Variants in RNF168 observed in about 807,000 individuals in gnomAD.
The protein encoded by RNF168 is ring finger protein 168.
Under a neutral mutation model 34.9 loss-of-function variants are expected in RNF168, and 34 were observed. That is an observed-to-expected ratio of 0.97 (90% CI 0.74 to 1.30). RNF168 has a LOEUF of 1.30. RNF168 is among the 50% of genes most tolerant of loss of function. RNF168 has a pLI of 0.00. For missense variants in RNF168, 725 were observed against 682.5 expected, an observed-to-expected ratio of 1.06 and a Z score of -0.69; for synonymous variants, 264 against 254.7, an observed-to-expected ratio of 1.04 and a Z score of -0.35.
intron 4 of RNF168, among the ~76,000 whole-genome samples, chr3:196,478,638 TAC>T (rs1732209280): frequency 6.6e-6 from 1 of 152,076 alleles, no homozygotes; most frequent in Non-Finnish European, 1.5e-5. Context: ...TTCTATGAAA[TAC>T]ACACTCTTTT....
At chr3:196,473,530 T>C (rs1406942796) in intron 5 of RNF168, among the ~76,000 whole-genome samples, 1 of 152,178 alleles carries the variant, frequency 6.6e-6, no homozygotes, top group East Asian at 1.9e-4. Flanking sequence ...CTAATACCAA[T>C]GTAGAGATAA....
At position 196,472,429 on chromosome 3, in the gene RNF168, G is replaced by A; in HGVS notation, c.1106C>T (p.Thr369Ile). The change falls in exon 6 of 6, where the codon ACA (threonine) becomes ATA (isoleucine). Residue 369 changes from threonine (T) to isoleucine (I), a missense_variant. By Grantham distance (89) the Thr-to-Ile change is moderately conservative. Transcript: ENST00000318037. ...SGVTQTNGNN[T>I]GETENEESCL... ...CGACTCTTCATTTTCTGTCTCACCT[G>A]TGTTGTTTCCATTTGTCTGTGTCAC... 1 of 1,613,712 alleles carries A rather than the reference G, an allele frequency of 6.2e-7. No individual in the cohort carries two copies. Among genetic ancestry groups the A allele is most frequent in the Non-Finnish European group, 8.5e-7 (1 of 1,179,854 alleles).
chr3:196,499,490 T>C (rs1231914709), intron 1 of RNF168, among the ~76,000 whole-genome samples: 1 of 151,928 alleles, frequency 6.6e-6, no homozygotes, highest in Non-Finnish European at 1.5e-5. Context: ...TCCATTTATA[T>C]GAAGTTCCAG....
At chr3:196,479,961 G>C (rs576778915) in intron 4 of RNF168, among the ~76,000 whole-genome samples, 2 of 152,104 alleles carry the variant, frequency 1.3e-5, no homozygotes, top group Admixed American at 6.6e-5. Context: ...AAGTTTATGA[G>C]AGAACAGTCA....
chr3:196,482,551 C>G (rs1310454288), intron 4 of RNF168, among the ~76,000 whole-genome samples: 1 of 152,228 alleles, frequency 6.6e-6, no homozygotes, highest in Non-Finnish European at 1.5e-5. Context: ...TACCACTTTA[C>G]ATTCCTACCA....
intron 1 of RNF168, among the ~76,000 whole-genome samples, chr3:196,490,104 A>T (rs981253414): frequency 2.0e-5 from 3 of 152,198 alleles, no homozygotes; most frequent in African/African-American, 7.2e-5. Flanking sequence ...CCTGGGCCTC[A>T]TTCTCAAACC....
intron 3 of RNF168, among the ~76,000 whole-genome samples, chr3:196,487,085 G>A (rs538531368): frequency 1.3e-5 from 2 of 152,194 alleles, no homozygotes; most frequent in East Asian, 3.8e-4. Flanking sequence ...ACCTGGATTA[G>A]AGCAAATATG....
chr3:196,498,616 A>T (rs1171814956), intron 1 of RNF168, among the ~76,000 whole-genome samples: 1 of 152,204 alleles, frequency 6.6e-6, no homozygotes, highest in African/African-American at 2.4e-5. Context: ...CAAGCAACTG[A>T]AGCACTGTAT....
At chr3:196,502,802 T>A in intron 1 of RNF168, 71 bp downstream of exon 1, 1 of 1,387,574 alleles carries the variant, frequency 7.2e-7, no homozygotes, top group Non-Finnish European at 1.0e-6. Context: ...ACTTTTTAAA[T>A]GGAAAAGTGA....
At position 196,470,080 on chromosome 3, in the gene RNF168, C is replaced by T. The variant is rs1731962321; in HGVS notation, c.*1739G>A. 1.3e-5 allele frequency: 2 copies of T among 152,198 alleles called. No homozygotes were observed. Among genetic ancestry groups the T allele is most frequent in the African/African-American group, 2.4e-5 (1 of 41,354 alleles). 9.4% of individuals were successfully genotyped at this position (152,198 alleles called of 1,614,324 possible). A position where few individuals can be genotyped will look rare whatever the true frequency, so the allele number is the denominator to read the frequency against. Reference sequence around the variant, plus strand: ...TGATCCAGACTGTCAGTCACCCCATCCAGCCTCATCCTCATCTGGACCCAT... The same window carrying T: ...TGATCCAGACTGTCAGTCACCCCATTCAGCCTCATCCTCATCTGGACCCAT... On this transcript the variant is annotated 3_prime_UTR_variant, in exon 6 of 6. Transcript: ENST00000318037.
chr3:196,478,206 G>C (rs1426703803), intron 4 of RNF168, among the ~76,000 whole-genome samples: 1 of 150,698 alleles, frequency 6.6e-6, no homozygotes, highest in African/African-American at 2.4e-5. Context: ...TTCCTTTTAT[G>C]TTTTAAATTA....
At chr3:196,495,001 C>T (rs186935098) in intron 1 of RNF168, among the ~76,000 whole-genome samples, 11 of 152,200 alleles carry the variant, frequency 7.2e-5, no homozygotes, top group African/African-American at 2.7e-4. Flanking sequence ...CCAGCCTGGG[C>T]GACTAAGTGA....
At chr3:196,501,843 C>A (rs1732894818) in intron 1 of RNF168, among the ~76,000 whole-genome samples, 2 of 151,968 alleles carry the variant, frequency 1.3e-5, no homozygotes, top group Non-Finnish European at 2.9e-5. Flanking sequence ...CTCCCACCTC[C>A]GCCTCCCAAA....
In RNF168 at chr3:196,487,863, C is replaced by T. The variant is rs115648463; in HGVS notation, c.379-285G>A. ...AAGACTAACAAAAAAAGAGAAAAAT[C>T]TCTATTTATGTATAACTTCATATGT... On this transcript the variant is annotated intron_variant, in intron 2 of 5. Coordinates refer to ENST00000318037, the MANE Select transcript of RNF168 (RefSeq NM_152617.4). Among the ~76,000 whole-genome samples, 824 of 152,226 alleles carry T rather than the reference C, an allele frequency of 5.4e-3. 7 individuals carry two copies. The highest frequency in any genetic ancestry group is 0.018 in the African/African-American group (743 of 41,546).
chr3:196,484,866 G>A (rs1395445808), intron 3 of RNF168, among the ~76,000 whole-genome samples: 1 of 152,032 alleles, frequency 6.6e-6, no homozygotes, highest in Non-Finnish European at 1.5e-5. Context: ...ATGTTGCCCA[G>A]GCTGGTCTCC....
At chr3:196,493,827 T>C (rs1308613215) in intron 1 of RNF168, among the ~76,000 whole-genome samples, 3 of 151,458 alleles carry the variant, frequency 2.0e-5, no homozygotes, top group African/African-American at 7.3e-5. Context: ...CAGCCTTCCA[T>C]TTGCTATTTC....
intron 1 of RNF168, among the ~76,000 whole-genome samples, chr3:196,502,024 T>C (rs1411105622): frequency 3.2e-5 from 3 of 94,066 alleles, no homozygotes; most frequent in African/African-American, 4.2e-5. Flanking sequence ...AAAAGGCAGG[T>C]ACACATATAA....
rs779666945 is a variant in RNF168, at chr3:196,502,894, C to T, written c.280G>A (p.Gly94Ser). The T allele has an allele frequency of 5.6e-6, 9 of 1,614,024 alleles. No individual in the cohort carries two copies. The Admixed American group carries it at 1.3e-4, about 24-fold the overall frequency. ...YPRECKLRAS[G>S]QESEEVADDY... is the part of the protein sequence containing the mutation. ...TCACCCACTTCCTCTGATTCTTGGC[C>T]AGACGCTCTAAGCTTGCACTCCCTG... Residue 94 changes from glycine to serine, a missense_variant, in exon 1 of 6, where the codon GGC (glycine) becomes AGC (serine). Gly to Ser is a moderately conservative substitution (Grantham distance 56, BLOSUM62 0). Coordinates refer to ENST00000318037, the MANE Select transcript of RNF168 (RefSeq NM_152617.4).
Position 196,475,237 on chromosome 3 carries a change from T to TA in RNF168, c.755dup (p.Ser253IlefsTer2). On this transcript the variant is annotated frameshift_variant, in exon 5 of 6. Transcript: ENST00000318037. LOFTEE classifies it low-confidence loss of function (END_TRUNC). The stretch of plus-strand genomic sequence containing the variant: ...ATCTTCAGTATCAACATACCTTAGA[T>TA]ACGGAGTCTTTCCTGACTTCTTGTA... 1.3e-6 allele frequency: 2 copies of TA among 1,581,556 alleles called. No individual in the cohort carries two copies. Among genetic ancestry groups the TA allele is most frequent in the East Asian group, 2.2e-5 (1 of 44,716 alleles).
Sources: gnomAD v4.1 joint callset for allele counts (sites outside exome capture counted in the v4.1 genomes callset) on GRCh38, gnomAD v4.1.1 for gene constraint, MANE v1.5 for transcripts, NCBI Gene and HGNC (gene_info 2026-07-23, HGNC 2026-07-21) for gene names.